Variants in PHF3 observed in about 807,000 individuals in gnomAD.
The protein encoded by PHF3 is PHD finger protein 3.
Under a neutral mutation model 178.4 loss-of-function variants are expected in PHF3, and 41 were observed. That is an observed-to-expected ratio of 0.23 (90% CI 0.18 to 0.30). PHF3 has a LOEUF of 0.30. Among genes scored for constraint, PHF3 ranks in the 10% least tolerant of loss-of-function variants. PHF3 has a pLI of 1.00. For missense variants in PHF3, 2,346 were observed against 2,398.1 expected, an observed-to-expected ratio of 0.98 and a Z score of 0.45; for synonymous variants, 842 against 800.5, an observed-to-expected ratio of 1.05 and a Z score of -0.88.
At position 63,713,478 on chromosome 6, in the gene PHF3, G is replaced by A; in HGVS notation, c.5890G>A (p.Glu1964Lys). ...DKDRDRKSRE[E>K]GHKDKERARL... ...GGACAGAGACAGAAAAAGCAGGGAG[G>A]AAGGGCACAAAGATAAAGAGAGGGC... The change falls in exon 16 of 16, where the codon GAA (glutamate) becomes AAA (lysine). Residue 1964 changes from glutamate (E) to lysine (K), a missense_variant. Glu to Lys is a moderately conservative substitution (Grantham distance 56, BLOSUM62 1). Around this residue, in one of 8 missense-constraint regions of PHF3, gnomAD observed 839 missense variants for 806.9 expected, o/e 1.04. Transcript: ENST00000262043. 6.2e-7 allele frequency: 1 copy of A among 1,613,858 alleles called. No individual in the cohort carries two copies. Among genetic ancestry groups the A allele is most frequent in the Non-Finnish European group, 8.5e-7 (1 of 1,179,936 alleles).
At position 63,685,059 on chromosome 6, in the gene PHF3, A is replaced by T; in HGVS notation, c.1337A>T (p.Gln446Leu). The T allele has an allele frequency of 1.9e-6, 3 of 1,614,106 alleles. No individual in the cohort carries two copies. The highest frequency in any genetic ancestry group is 2.2e-5 in the South Asian group (2 of 91,080). ...LENAICDVPD[Q>L]NSKQLNAIES... Reference sequence around the variant, plus strand: ...AATGCTATTTGTGATGTGCCTGACCAAAATTCAAAACAGTTGAATGCTATA... The same window carrying T: ...AATGCTATTTGTGATGTGCCTGACCTAAATTCAAAACAGTTGAATGCTATA... The change falls in exon 4 of 16, where the codon CAA becomes CTA. Residue 446 changes from glutamine (Q) to leucine (L), a missense_variant. Gln to Leu is a moderately radical substitution (Grantham distance 113, BLOSUM62 -2). This residue lies in a region of PHF3 where 843 missense variants were observed against 795.2 expected (regional missense o/e 1.06). Coordinates refer to ENST00000262043, the MANE Select transcript of PHF3 (RefSeq NM_001370348.2).
At chr6:63,663,247 C>T (rs530277509) in intron 2 of PHF3, among the ~76,000 whole-genome samples, 9 of 152,230 alleles carry the variant, frequency 5.9e-5, no homozygotes, top group South Asian at 2.1e-4. Flanking sequence ...TTGATTCTTA[C>T]GGGATCTCAA....
Position 63,725,177 on chromosome 6 carries a change from A to G in PHF3, c.*11469A>G, listed in dbSNP as rs921168681. ...AATGCAGCATCAATCGTGTGAAACT[A>G]ATGAATCTCTGTAAGTAGTGTCTGA... On this transcript the variant is annotated 3_prime_UTR_variant, in exon 16 of 16. Transcript: ENST00000262043. Among the ~76,000 whole-genome samples, 4 of 152,174 alleles carry G rather than the reference A, an allele frequency of 2.6e-5. No homozygotes were observed. Among genetic ancestry groups the G allele is most frequent in the African/African-American group, 9.6e-5 (4 of 41,464 alleles).
chr6:63,691,630 C>G (rs776504594), intron 4 of PHF3, 107 bp from the exon 5 acceptor site: 60 of 958,646 alleles, frequency 6.3e-5, no homozygotes, highest in Non-Finnish European at 8.4e-5. Context: ...GGAAAACATG[C>G]AAAGTTTCAG....
rs896467081 is a variant in PHF3, at chr6:63,711,183, G to A, written c.3818G>A (p.Arg1273His). Reference protein sequence around the residue: ...ASGTKEICVVRFTPVTEEDQI... With the variant: ...ASGTKEICVVHFTPVTEEDQI... ...CTTGAACAGGAAATTTGTGTGGTTC[G>A]CTTCACACCAGTAACTGAAGAAGAT... Residue 1273 changes from arginine to histidine, a missense_variant, in exon 15 of 16, where the codon CGC (arginine) becomes CAC (histidine). Arg to His is a conservative substitution (Grantham distance 29, BLOSUM62 0). Coordinates refer to ENST00000262043, the MANE Select transcript of PHF3 (RefSeq NM_001370348.2). 3 of 1,593,880 alleles carry A rather than the reference G, an allele frequency of 1.9e-6. No individual in the cohort carries two copies. Among genetic ancestry groups the A allele is most frequent in the Non-Finnish European group, 2.6e-6 (3 of 1,169,352 alleles).
chr6:63,685,831 T>A lies in PHF3; in HGVS notation c.2109T>A (p.Asp703Glu), dbSNP rs745516053. ...CTACCATAAGAAGAGAAGGCTCTGA[T>A]CATAGCTCCTCATTTGAAAGCAAAT... ...NIATIRREGS[D>E]HSSSFESKYM... Residue 703 changes from aspartate to glutamate, a missense_variant, in exon 4 of 16, where the codon GAT (aspartate) becomes GAA (glutamate). Physicochemically the swap from Asp to Glu is conservative, Grantham distance 45 (BLOSUM62 2). Transcript: ENST00000262043. 6.2e-7 allele frequency: 1 copy of A among 1,613,714 alleles called. No homozygotes were observed. The highest frequency in any genetic ancestry group is 1.1e-5 in the South Asian group (1 of 91,082).
chr6:63,650,726 T>G (rs568742488), intron 2 of PHF3, among the ~76,000 whole-genome samples: 11 of 152,344 alleles, frequency 7.2e-5, no homozygotes, highest in African/African-American at 2.6e-4. Flanking sequence ...AAAATTATAT[T>G]GCACTTGTTC....
At chr6:63,697,458 C>T (rs1767281337) in intron 6 of PHF3, among the ~76,000 whole-genome samples, 1 of 152,036 alleles carries the variant, frequency 6.6e-6, no homozygotes, top group Non-Finnish European at 1.5e-5. Flanking sequence ...GTTGAGTTAC[C>T]TACTTAAAAC....
At chr6:63,663,696 A>G (rs1242680339) in intron 2 of PHF3, among the ~76,000 whole-genome samples, 5 of 152,222 alleles carry the variant, frequency 3.3e-5, no homozygotes, top group African/African-American at 1.2e-4. Flanking sequence ...AGAAAACTCC[A>G]GATAACAGTG....
chr6:63,691,888 G>T lies in PHF3; in HGVS notation c.2341G>T (p.Asp781Tyr). Residue 781 changes from aspartate to tyrosine, a missense_variant, in exon 5 of 16, where the codon GAT (aspartate) becomes TAT (tyrosine). Coordinates refer to ENST00000262043, the MANE Select transcript of PHF3 (RefSeq NM_001370348.2). ...AEEDKKTEILDPDTLENQATV... is the reference protein window; with the variant it reads ...AEEDKKTEILYPDTLENQATV... ...AGAAGACAAAAAGACTGAAATACTAGATCCAGATACTTTGGAAAACCAAGC... is the reference window on the plus strand; with the variant it reads ...AGAAGACAAAAAGACTGAAATACTATATCCAGATACTTTGGAAAACCAAGC... 3.1e-6 allele frequency: 5 copies of T among 1,613,668 alleles called. No homozygotes were observed. The highest frequency in any genetic ancestry group is 3.4e-6 in the Non-Finnish European group (4 of 1,179,854).
intron 1 of PHF3, among the ~76,000 whole-genome samples, chr6:63,639,835 T>A (rs1764498708): frequency 1.3e-5 from 2 of 152,192 alleles, no homozygotes; most frequent in South Asian, 4.1e-4. Flanking sequence ...AGGCCATAGT[T>A]TTAATGATGA....
rs1049795049 is a variant in PHF3, at chr6:63,648,829, G to A, written c.244+2034G>A. 2.0e-5 allele frequency among the ~76,000 whole-genome samples: 3 copies of A among 152,040 alleles called. No individual in the cohort carries two copies. The South Asian group carries it at 6.2e-4, about 32-fold the overall frequency. On this transcript the variant is annotated intron_variant, in intron 2 of 15. Transcript: ENST00000262043. ...GAATGTTTGTATTGGTATATGTATA[G>A]TGTATATGTTTTTAAGATATGTAAG...
intron 2 of PHF3, among the ~76,000 whole-genome samples, chr6:63,673,231 CAATAAGTA>C (rs1030559504): frequency 3.9e-5 from 6 of 152,038 alleles, no homozygotes; most frequent in African/African-American, 1.4e-4. Context: ...GGTGCAGACC[CAATAAGTA>C]TTGTCTCTTA....
At chr6:63,637,405 G>A (rs1243350311) in intron 1 of PHF3, among the ~76,000 whole-genome samples, 1 of 152,164 alleles carries the variant, frequency 6.6e-6, no homozygotes. Flanking sequence ...AAAGATGTAT[G>A]TTTGTGTTAG....
Position 63,721,558 on chromosome 6 carries a change from C to T in PHF3, c.*7850C>T. 1 of 1,551,790 alleles carries T rather than the reference C, an allele frequency of 6.4e-7. No individual in the cohort carries two copies. The highest frequency in any genetic ancestry group is 8.7e-7 in the Non-Finnish European group (1 of 1,146,902). ...TTTACAAGATTTAAAGAAGATACTC[C>T]TCCAATATAGAAGTCTGTATTTGTG... On this transcript the variant is annotated 3_prime_UTR_variant, in exon 16 of 16. Coordinates refer to ENST00000262043, the MANE Select transcript of PHF3 (RefSeq NM_001370348.2).
intron 4 of PHF3, among the ~76,000 whole-genome samples, chr6:63,689,327 G>T (rs1175171107): frequency 3.3e-5 from 5 of 151,982 alleles, no homozygotes; most frequent in Non-Finnish European, 7.4e-5. Flanking sequence ...TTTTTAGTTT[G>T]CATTACACTT....
In PHF3 at chr6:63,722,218, C is replaced by A. The variant is rs1768426920; in HGVS notation, c.*8510C>A. Among the ~76,000 whole-genome samples the A allele has an allele frequency of 6.6e-6, 1 of 152,102 alleles. No homozygotes were observed. Among genetic ancestry groups the A allele is most frequent in the Admixed American group, 6.6e-5 (1 of 15,234 alleles). On this transcript the variant is annotated 3_prime_UTR_variant, in exon 16 of 16. Coordinates refer to ENST00000262043, the MANE Select transcript of PHF3 (RefSeq NM_001370348.2). ...GGAATGTTCTCTTTCCCCATCCTTA[C>A]ACTCTCTTTACTTCAACAACACTGA...
intron 2 of PHF3, among the ~76,000 whole-genome samples, chr6:63,665,039 T>C (rs1330528084): frequency 6.6e-6 from 1 of 152,142 alleles, no homozygotes; most frequent in Non-Finnish European, 1.5e-5. Flanking sequence ...CAAAATTCAC[T>C]GAACTTTTTT....
rs1251958826 is a variant in PHF3, at chr6:63,714,422, GA to G, written c.*715del. 1 of 152,282 alleles carries G rather than the reference GA, an allele frequency of 6.6e-6. No individual in the cohort carries two copies. Among genetic ancestry groups the G allele is most frequent in the Non-Finnish European group, 1.5e-5 (1 of 67,958 alleles). The allele number at this position is 152,282 out of a possible 1,614,324, so 9.4% of individuals were successfully genotyped here. A position where few individuals can be genotyped will look rare whatever the true frequency, so the allele number is the denominator to read the frequency against. On this transcript the variant is annotated 3_prime_UTR_variant, in exon 16 of 16. Coordinates refer to ENST00000262043, the MANE Select transcript of PHF3 (RefSeq NM_001370348.2). ...ATGTAAATATTTTAAGGGATATTTT[GA>G]TTCTAAATATGATAAAATAATTTCT... is the stretch of plus-strand genomic sequence containing the variant.
Sources: gnomAD v4.1 joint callset for allele counts (sites outside exome capture counted in the v4.1 genomes callset) on GRCh38, gnomAD v4.1.1 for gene constraint, gnomAD v4.1.1 regional missense constraint, MANE v1.5 for transcripts, NCBI Gene and HGNC (gene_info 2026-07-23, HGNC 2026-07-21) for gene names.